VPS26A: variants seen among roughly 807,000 people sequenced by gnomAD.
The protein encoded by VPS26A is VPS26 retromer complex component A.
VPS26A carries 22 observed loss-of-function variants against 42.4 expected under a neutral mutation model. The ratio of observed to expected loss-of-function variants is 0.52; its 90% confidence interval spans 0.37 to 0.74. The LOEUF (loss-of-function observed/expected upper bound fraction) is 0.74. Ranked by LOEUF, VPS26A falls within the 30% of genes least tolerant of loss-of-function variation. The pLI, the probability that VPS26A is intolerant of heterozygous loss-of-function variation, is 0.00. For missense variants in VPS26A, 276 were observed against 379.2 expected (o/e 0.73, Z 2.26); for synonymous variants, 110 against 123.5 (o/e 0.89, Z 0.73).
chr10:69,157,941 T>G, intron 4 of VPS26A, 106 bp from the exon 5 acceptor site: 1 of 999,168 alleles, frequency 1.0e-6, no homozygotes, highest in Non-Finnish European at 1.4e-6. Flanking sequence ...CCCAAAGGAG[T>G]TCCAGCAAGG....
intron 2 of VPS26A, among the ~76,000 whole-genome samples, chr10:69,147,241 G>T (rs1360917909): frequency 6.6e-6 from 1 of 152,014 alleles, no homozygotes; most frequent in African/African-American, 2.4e-5. Flanking sequence ...TTCAAAATTT[G>T]ACTATTTTTT....
At chr10:69,150,770 CTT>C (rs1277471610) in intron 2 of VPS26A, among the ~76,000 whole-genome samples, 2 of 151,992 alleles carry the variant, frequency 1.3e-5, no homozygotes, top group African/African-American at 4.8e-5. Context: ...CCAACTTACT[CTT>C]TGTTGTGGAA....
At chr10:69,140,274 A>G (rs1412962034) in intron 2 of VPS26A, among the ~76,000 whole-genome samples, 1 of 152,032 alleles carries the variant, frequency 6.6e-6, no homozygotes, top group Non-Finnish European at 1.5e-5. Context: ...GGGTCTTGCT[A>G]TGTTGCTCAG....
chr10:69,141,536 A>G (rs1841039677), intron 2 of VPS26A, among the ~76,000 whole-genome samples: 2 of 152,228 alleles, frequency 1.3e-5, no homozygotes, highest in African/African-American at 4.8e-5. Context: ...GGTAGGGAAT[A>G]CAATCATACC....
At chr10:69,155,984 G>A in intron 3 of VPS26A, 97 bp downstream of exon 3, 1 of 859,468 alleles carries the variant, frequency 1.2e-6, no homozygotes, top group South Asian at 1.6e-5. Flanking sequence ...GCTTAGCTTT[G>A]TAGAAGGAAG....
chr10:69,161,016 T>G (rs185838962), intron 5 of VPS26A, among the ~76,000 whole-genome samples: 1 of 152,300 alleles, frequency 6.6e-6, no homozygotes, highest in African/African-American at 2.4e-5. Context: ...CTTGTGTCTT[T>G]TAATGTTGAA....
chr10:69,156,013 AAAAG>A, intron 3 of VPS26A, 126 bp downstream of exon 3: 1 of 680,498 alleles, frequency 1.5e-6, no homozygotes, highest in Non-Finnish European at 2.5e-6. Flanking sequence ...TTTGCATAAT[AAAAG>A]AGAGGATTTA....
rs1841885153 is a variant in VPS26A at position 69,174,264 on chromosome 10, C to G, written c.*2995C>G. 6.6e-6 allele frequency among the ~76,000 whole-genome samples: 1 copy of G among 152,176 alleles called. No individual in the cohort carries two copies. Among genetic ancestry groups the G allele is most frequent in the Non-Finnish European group, 1.5e-5 (1 of 68,038 alleles). ...CCCACTGGAAGGAACCAACTCTGGA[C>G]ACACCTTGAGTACACGAATTTGAAA... On this transcript the variant is annotated 3_prime_UTR_variant, in exon 9 of 9. Coordinates refer to ENST00000263559, the MANE Select transcript of VPS26A (RefSeq NM_004896.5).
In VPS26A at chr10:69,172,964, G is replaced by GT. The variant is rs1373265326; in HGVS notation, c.*1696dup. On this transcript the variant is annotated 3_prime_UTR_variant, in exon 9 of 9. Transcript: ENST00000263559. ...GGATTGTTCAATAGTTTAGGAAGCT[G>GT]TAACTGTGATAATGAATTTTTATAA... The GT allele has an allele frequency of 6.6e-6, 1 of 152,150 alleles. No homozygotes were observed. The highest frequency in any genetic ancestry group is 1.5e-5 in the Non-Finnish European group (1 of 68,024). The allele number at this position is 152,150 out of a possible 1,614,324, so 9.4% of individuals were successfully genotyped here. A position where few individuals can be genotyped will look rare whatever the true frequency, so the allele number is the denominator to read the frequency against.
In VPS26A at chr10:69,166,054, C is replaced by T. The variant is rs1564687946; in HGVS notation, c.671C>T (p.Thr224Ile). The change falls in exon 7 of 9, where the codon ACA becomes ATA. Residue 224 changes from threonine to isoleucine, a missense_variant. Transcript: ENST00000263559. ...KEITGIGPST[T>I]TETETIAKYE... ...ATTATTGCACTAGGACCCAGTACCA[C>T]AACAGAAACAGAAACAATCGCCAAA... is the stretch of plus-strand genomic sequence containing the variant. The T allele has an allele frequency of 6.2e-7, 1 of 1,613,718 alleles. No homozygotes were observed. Among genetic ancestry groups the T allele is most frequent in the African/African-American group, 1.3e-5 (1 of 74,918 alleles).
chr10:69,142,702 A>G (rs1033833350), intron 2 of VPS26A, among the ~76,000 whole-genome samples: 11 of 151,870 alleles, frequency 7.2e-5, no homozygotes, highest in African/African-American at 1.7e-4. Context: ...TTATTTTAAT[A>G]TAACAAATGC....
At chr10:69,143,132 G>C (rs1472282652) in intron 2 of VPS26A, among the ~76,000 whole-genome samples, 1 of 152,128 alleles carries the variant, frequency 6.6e-6, no homozygotes, top group Admixed American at 6.6e-5. Context: ...GGTTGTTTAC[G>C]ACCAAGCATG....
rs1841859305 is a variant in VPS26A at position 69,173,364 on chromosome 10, T to TA, written c.*2096dup. Among the ~76,000 whole-genome samples the TA allele has an allele frequency of 6.6e-6, 1 of 152,046 alleles. No homozygotes were observed. Among genetic ancestry groups the TA allele is most frequent in the South Asian group, 2.1e-4 (1 of 4,826 alleles). On this transcript the variant is annotated 3_prime_UTR_variant, in exon 9 of 9. Coordinates refer to ENST00000263559, the MANE Select transcript of VPS26A (RefSeq NM_004896.5). ...TAAAAACAAAACAACCTCAAAAAAATACCTGTCATCTCAGCCACTTCAGGA... is the reference window on the plus strand; with the variant it reads ...TAAAAACAAAACAACCTCAAAAAAATAACCTGTCATCTCAGCCACTTCAGGA...
At chr10:69,124,991 A>G (rs916314629) in intron 1 of VPS26A, among the ~76,000 whole-genome samples, 8 of 152,206 alleles carry the variant, frequency 5.3e-5, no homozygotes, top group Non-Finnish European at 5.9e-5. Flanking sequence ...GAGGGGAATC[A>G]GTGCTCTCAC....
At chr10:69,124,416 GC>G in intron 1 of VPS26A, 136 bp downstream of exon 1, 1 of 999,734 alleles carries the variant, frequency 1.0e-6, no homozygotes, top group Non-Finnish European at 1.3e-6. Flanking sequence ...GGCCTGTCGG[GC>G]CACCCCTGGG....
intron 1 of VPS26A, among the ~76,000 whole-genome samples, chr10:69,127,206 A>G (rs61868346): frequency 0.16 from 23,958 of 145,910 alleles, 2,612 homozygotes; most frequent in Non-Finnish European, 0.23. Context: ...TTGTCCTCCC[A>G]AAGTGTTGGG....
chr10:69,124,349 C>T (rs1220236476), intron 1 of VPS26A, 69 bp downstream of exon 1: 1 of 1,225,456 alleles, frequency 8.2e-7, no homozygotes, highest in African/African-American at 1.6e-5. Flanking sequence ...GCCGGCCAAC[C>T]GCGGGCCGGG....
At chr10:69,124,612 G>T (rs965481107) in intron 1 of VPS26A, among the ~76,000 whole-genome samples, 26 of 152,196 alleles carry the variant, frequency 1.7e-4, no homozygotes, top group African/African-American at 6.3e-4. Flanking sequence ...CCCTTCCTAG[G>T]TAGCCAGTCC....
intron 8 of VPS26A, chr10:69,170,295 T>C (rs1841787265): frequency 1.3e-5 from 2 of 152,230 alleles, no homozygotes; most frequent in African/African-American, 4.8e-5. Context: ...TAAACATACA[T>C]GATTTATAAC....
Sources: allele counts gnomAD v4.1 joint callset (sites outside exome capture counted in the v4.1 genomes callset), GRCh38; gene constraint gnomAD v4.1.1; transcripts MANE v1.5; gene names NCBI Gene and HGNC (gene_info 2026-07-23, HGNC 2026-07-21).